Variants in KLF13 observed in about 807,000 individuals in gnomAD.
KLF13 encodes the protein Krueppel-like factor 13.
Under a neutral mutation model 16.7 loss-of-function variants are expected in KLF13, and 8 were observed. The observed-to-expected ratio is 0.48, with a 90% CI of 0.28 to 0.87. KLF13 has a LOEUF of 0.87. KLF13 is among the 40% of genes least tolerant of loss of function. The pLI is 0.10. For synonymous variants in KLF13, 245 were observed against 208.4 expected (o/e 1.18, Z -1.51); for missense variants, 447 against 452.2 (o/e 0.99, Z 0.10).
At chr15:31,328,876 C>T (rs894202137) in intron 1 of KLF13, among the ~76,000 whole-genome samples, 1 of 152,234 alleles carries the variant, frequency 6.6e-6, no homozygotes, top group Non-Finnish European at 1.5e-5. Context: ...ACCTCTTCTA[C>T]CTTGGGGGCA....
chr15:31,347,066 G>A (rs541080834), intron 1 of KLF13, among the ~76,000 whole-genome samples: 4 of 152,322 alleles, frequency 2.6e-5, no homozygotes, highest in African/African-American at 7.2e-5. Context: ...GCACGACACC[G>A]AGCCCAGCAG....
At position 31,327,008 on chromosome 15, in the gene KLF13, T is replaced by A. The variant is rs1482446153; in HGVS notation, c.-205T>A. ...CCCGCGCGCCCCATGCGCTCACTCT[T>A]CGGTGCCCGGCCGGGCCGGCGCCTC... On this transcript the variant is annotated 5_prime_UTR_variant, in exon 1 of 2. Coordinates refer to ENST00000307145, the MANE Select transcript of KLF13 (RefSeq NM_015995.4). 1.7e-5 allele frequency: 4 copies of A among 238,716 alleles called. No individual in the cohort carries two copies. The highest frequency in any genetic ancestry group is 2.8e-5 in the Non-Finnish European group (4 of 142,668). The allele number at this position is 238,716 out of a possible 1,614,324, so 14.8% of individuals were successfully genotyped here. A position where few individuals can be genotyped will look rare whatever the true frequency, so the allele number is the denominator to read the frequency against.
chr15:31,413,512 T>G (rs1006796532), intron 1 of KLF13, among the ~76,000 whole-genome samples: 1 of 152,094 alleles, frequency 6.6e-6, no homozygotes. Flanking sequence ...CCAAATACAT[T>G]AGCAGCTGAC....
chr15:31,391,679 A>ACTGTTGGGGGGCTGTGTGGGGGCT (rs1372503727), upstream of KLF13, among the ~76,000 whole-genome samples: 1 of 134,726 alleles, frequency 7.4e-6, no homozygotes, highest in East Asian at 2.6e-4. Context: ...CTCTAGGTGC[A>ACTGTTGGGGGGCTGTGTGGGGGCT]CTGTTGGGGG....
At chr15:31,332,765 T>C (rs538971631) in intron 1 of KLF13, among the ~76,000 whole-genome samples, 2 of 152,152 alleles carry the variant, frequency 1.3e-5, no homozygotes, top group Non-Finnish European at 2.9e-5. Context: ...GCAAAAGACA[T>C]GGATGGCAGC....
At chr15:31,429,967 C>T (rs1566851790) in intron 1 of KLF13, among the ~76,000 whole-genome samples, 1 of 152,024 alleles carries the variant, frequency 6.6e-6, no homozygotes, top group Non-Finnish European at 1.5e-5. Context: ...ATCTCCTGAC[C>T]TTGTGACCGC....
Position 31,357,262 on chromosome 15 carries a change from T to C in KLF13, c.578-14748T>C, listed in dbSNP as rs533888307. ...GCCGTCTATGCGGTGAGGATGTTAGTGACAGCTCTGGAAGTCTTCTCGTTG... is the reference window on the plus strand; with the variant it reads ...GCCGTCTATGCGGTGAGGATGTTAGCGACAGCTCTGGAAGTCTTCTCGTTG... On this transcript the variant is annotated intron_variant, in intron 1 of 1. Coordinates refer to ENST00000307145, the MANE Select transcript of KLF13 (RefSeq NM_015995.4). Among the ~76,000 whole-genome samples the C allele has an allele frequency of 1.6e-3, 246 of 152,142 alleles. 4 individuals carry two copies. Among genetic ancestry groups the C allele is most frequent in the Non-Finnish European group, 1.4e-3 (96 of 68,038 alleles).
chr15:31,356,920 C>T (rs2039309586), intron 1 of KLF13, among the ~76,000 whole-genome samples: 1 of 152,212 alleles, frequency 6.6e-6, no homozygotes, highest in Non-Finnish European at 1.5e-5. Context: ...ATCTGGAAAA[C>T]ATTCTTGCCA....
At chr15:31,357,809 C>T (rs2039323737) in intron 1 of KLF13, among the ~76,000 whole-genome samples, 1 of 152,166 alleles carries the variant, frequency 6.6e-6, no homozygotes, top group Non-Finnish European at 1.5e-5. Flanking sequence ...CCACCAACTG[C>T]ACCCCCACCC....
chr15:31,327,631 C>T lies in KLF13; in HGVS notation c.419C>T (p.Ala140Val). The change falls in exon 1 of 2, where the codon GCG (alanine) becomes GTG (valine). Residue 140 changes from alanine (A) to valine (V), a missense_variant. Coordinates refer to ENST00000307145, the MANE Select transcript of KLF13 (RefSeq NM_015995.4). ...GAGCCCGAGCGGGAGCCGGGGCCCGCGGGGAGCGGCGAGCCCGGCCTCAGA... is the reference window on the plus strand; with the variant it reads ...GAGCCCGAGCGGGAGCCGGGGCCCGTGGGGAGCGGCGAGCCCGGCCTCAGA... ...GLEPEREPGP[A>V]GSGEPGLRQR... 7.3e-7 allele frequency: 1 copy of T among 1,371,606 alleles called. No homozygotes were observed. Among genetic ancestry groups the T allele is most frequent in the Non-Finnish European group, 9.6e-7 (1 of 1,046,436 alleles). 85.0% of individuals were successfully genotyped at this position (1,371,606 alleles called of 1,614,324 possible). A position where few individuals can be genotyped will look rare whatever the true frequency, so the allele number is the denominator to read the frequency against.
intron 1 of KLF13, chr15:31,340,086 A>G (rs2038996946): frequency 2.9e-6 from 2 of 699,440 alleles, no homozygotes; most frequent in East Asian, 2.7e-5. Flanking sequence ...CTCTGCCTCT[A>G]GGCCTGTTTC....
At chr15:31,426,994 G>T (rs556098652) in intron 1 of KLF13, among the ~76,000 whole-genome samples, 1 of 152,258 alleles carries the variant, frequency 6.6e-6, no homozygotes, top group Non-Finnish European at 1.5e-5. Context: ...TTATGCTAGT[G>T]GTCCCCTGGA....
chr15:31,347,699 C>G (rs182749896), intron 1 of KLF13, among the ~76,000 whole-genome samples: 2 of 152,354 alleles, frequency 1.3e-5, no homozygotes, highest in Non-Finnish European at 2.9e-5. Context: ...GTCACAGTGG[C>G]TGGGCCCAAA....
downstream of KLF13, among the ~76,000 whole-genome samples, chr15:31,409,056 G>A (rs1330556148): frequency 6.6e-6 from 1 of 152,168 alleles, no homozygotes; most frequent in East Asian, 1.9e-4. Flanking sequence ...AGCCTGAGGT[G>A]TGTGGATCAC....
intron 1 of KLF13, chr15:31,393,430 C>T (rs905896748): frequency 6.6e-6 from 1 of 151,868 alleles, no homozygotes; most frequent in Admixed American, 6.6e-5. Context: ...CCGTCCCCCC[C>T]CCGTCCCCCT....
Position 31,327,573 on chromosome 15 carries a change from G to A in KLF13, c.361G>A (p.Ala121Thr). 7 of 1,177,098 alleles carry A rather than the reference G, an allele frequency of 5.9e-6. No individual in the cohort carries two copies. Among genetic ancestry groups the A allele is most frequent in the Non-Finnish European group, 7.4e-6 (7 of 946,300 alleles). 72.9% of individuals were successfully genotyped at this position (1,177,098 alleles called of 1,614,324 possible). The change falls in exon 1 of 2, where the codon GCG (alanine) becomes ACG (threonine). Residue 121 changes from alanine (A) to threonine (T), a missense_variant. Transcript: ENST00000307145. ...CGCGGCGGCCGCGCCCCCCAGCCCG[G>A]CGTGGAGCGAGCCGGAGCCCGAGGC... is the stretch of plus-strand genomic sequence containing the variant. ...EGAAAAPPSP[A>T]WSEPEPEAGL...
chr15:31,327,228 T>G lies in KLF13; in HGVS notation c.16T>G (p.Tyr6Asp). Residue 6 changes from tyrosine to aspartate, a missense_variant, in exon 1 of 2, where the codon TAT becomes GAT. By Grantham distance (160) the Tyr-to-Asp change is radical. Coordinates refer to ENST00000307145, the MANE Select transcript of KLF13 (RefSeq NM_015995.4). MAAAA[Y>D]VDHFAAECLV... ...AGCCCGCAGCATGGCAGCCGCCGCC[T>G]ATGTGGACCACTTCGCCGCCGAGTG... 1 of 1,355,906 alleles carries G rather than the reference T, an allele frequency of 7.4e-7. No homozygotes were observed. The highest frequency in any genetic ancestry group is 9.5e-7 in the Non-Finnish European group (1 of 1,051,536). 84.0% of individuals were successfully genotyped at this position (1,355,906 alleles called of 1,614,324 possible).
intron 1 of KLF13, among the ~76,000 whole-genome samples, chr15:31,361,258 C>T (rs1258822092): frequency 1.3e-5 from 2 of 152,164 alleles, no homozygotes; most frequent in African/African-American, 2.4e-5. Context: ...CAGCAGTGTT[C>T]CTGTTCCATG....
intron 1 of KLF13, among the ~76,000 whole-genome samples, chr15:31,343,529 G>A (rs549022431): frequency 6.6e-6 from 1 of 152,338 alleles, no homozygotes; most frequent in African/African-American, 2.4e-5. Flanking sequence ...GCCTCCAGTG[G>A]GGACCCACAG....
Sources: allele counts gnomAD v4.1 joint callset (sites outside exome capture counted in the v4.1 genomes callset), GRCh38; gene constraint gnomAD v4.1.1; transcripts MANE v1.5; gene names NCBI Gene and HGNC (gene_info 2026-07-23, HGNC 2026-07-21).